SMCO4: variants seen among roughly 807,000 people sequenced by gnomAD.
SMCO4 encodes the protein single-pass membrane protein with coiled-coil domains 4, also known as single-pass membrane and coiled-coil domain-containing protein 4.
SMCO4 carries 4 observed loss-of-function variants against 3.6 expected under a neutral mutation model. That is an observed-to-expected ratio of 1.11 (90% CI 0.54 to 2.53). The LOEUF is 2.53. Among genes scored for constraint, SMCO4 ranks in the 30% most tolerant of loss-of-function variants. The pLI is 0.02. For synonymous variants in SMCO4, 36 were observed against 35.3 expected, an observed-to-expected ratio of 1.02 and a Z score of -0.07; for missense variants, 70 against 80.8, an observed-to-expected ratio of 0.87 and a Z score of 0.51.
At chr11:93,514,298 C>A (rs758284554) in intron 1 of SMCO4, among the ~76,000 whole-genome samples, 11 of 146,706 alleles carry the variant, frequency 7.5e-5, no homozygotes, top group Non-Finnish European at 1.3e-4. Context: ...CATGGGTCAT[C>A]AATATAATGA....
chr11:93,479,625 G>C (rs2134562937), intron 2 of SMCO4, among the ~76,000 whole-genome samples: 1 of 152,272 alleles, frequency 6.6e-6, no homozygotes, highest in Middle Eastern at 3.4e-3. Context: ...CTAGCTACTT[G>C]CTTTCCTGCT....
the SMCO4 span, among the ~76,000 whole-genome samples, chr11:93,551,617 T>C: frequency 6.6e-6 from 1 of 152,230 alleles, no homozygotes; most frequent in East Asian, 1.9e-4. Flanking sequence ...ATTTTGCTAG[T>C]TCCTGTGCAT....
chr11:93,478,682 C>A lies in SMCO4; in HGVS notation c.*328G>T. The A allele has an allele frequency of 3.5e-6, 1 of 285,518 alleles. No individual in the cohort carries two copies. The highest frequency in any genetic ancestry group is 5.7e-6 in the Non-Finnish European group (1 of 175,886). The allele number at this position is 285,518 out of a possible 1,614,324, so 17.7% of individuals were successfully genotyped here. A position where few individuals can be genotyped will look rare whatever the true frequency, so the allele number is the denominator to read the frequency against. On this transcript the variant is annotated 3_prime_UTR_variant, in exon 3 of 3. Transcript: ENST00000298966. The stretch of plus-strand genomic sequence containing the variant: ...AGGTTCCATCCCTCTTCAGGTGGAG[C>A]TACTTATCGATTTTTAGGAGAGAAA...
intron 2 of SMCO4, among the ~76,000 whole-genome samples, chr11:93,493,238 G>C (rs1261795118): frequency 6.6e-6 from 1 of 152,118 alleles, no homozygotes; most frequent in Admixed American, 6.5e-5. Context: ...GAAGCCTCCA[G>C]GTCAGCAAGA....
intron 1 of SMCO4, among the ~76,000 whole-genome samples, chr11:93,504,229 A>C (rs1464310598): frequency 1.3e-5 from 2 of 152,220 alleles, no homozygotes. Flanking sequence ...GAATTTCCCT[A>C]ATTCAATCTC....
intron 1 of SMCO4, among the ~76,000 whole-genome samples, chr11:93,509,139 A>G (rs1221703034): frequency 6.6e-6 from 1 of 152,016 alleles, no homozygotes; most frequent in East Asian, 1.9e-4. Context: ...AAAAAAAAAA[A>G]AGTTAGCTGG....
intron 1 of SMCO4, among the ~76,000 whole-genome samples, chr11:93,515,648 C>T (rs1327022406): frequency 3.3e-5 from 5 of 152,170 alleles, no homozygotes; most frequent in Non-Finnish European, 7.4e-5. Context: ...TCCTCCTACT[C>T]CAAGCCAGCT....
chr11:93,525,636 G>A lies in SMCO4; in HGVS notation c.-154+17640C>T, dbSNP rs555187631. On this transcript the variant is annotated intron_variant, in intron 1 of 2. Transcript: ENST00000298966. The stretch of plus-strand genomic sequence containing the variant: ...TTCCCACTTTATAAATACACCCTAC[G>A]ACCAACCAGAGAGTGCTTGCTGCCA... 5.3e-5 allele frequency among the ~76,000 whole-genome samples: 8 copies of A among 152,140 alleles called. No individual in the cohort carries two copies. The East Asian group carries it at 7.7e-4, about 15-fold the overall frequency.
At chr11:93,548,059 T>G (rs889982538), upstream of SMCO4, among the ~76,000 whole-genome samples, 5 of 152,356 alleles carry the variant, frequency 3.3e-5, no homozygotes, top group East Asian at 5.8e-4. Context: ...AGGTCAGGAA[T>G]GTATGTTCAT....
the SMCO4 span, among the ~76,000 whole-genome samples, chr11:93,549,044 C>T: frequency 8.0e-3 from 1,214 of 152,214 alleles, 18 homozygotes; most frequent in African/African-American, 0.028. Flanking sequence ...GGGGTTTTTC[C>T]GTTTGATTTG....
chr11:93,542,002 A>T (rs1949274645), intron 1 of SMCO4, among the ~76,000 whole-genome samples: 1 of 152,162 alleles, frequency 6.6e-6, no homozygotes, highest in South Asian at 2.1e-4. Context: ...TTGCTAACAC[A>T]TCTAGGACGA....
chr11:93,513,732 T>C (rs111451769), intron 1 of SMCO4, among the ~76,000 whole-genome samples: 4 of 152,330 alleles, frequency 2.6e-5, no homozygotes, highest in East Asian at 1.9e-4. Context: ...TCTTCACTTA[T>C]ACACTTTCCC....
At chr11:93,526,292 A>G (rs1316852496) in intron 1 of SMCO4, among the ~76,000 whole-genome samples, 2 of 108,200 alleles carry the variant, frequency 1.8e-5, no homozygotes, top group Non-Finnish European at 4.1e-5. Flanking sequence ...AAACAGACAA[A>G]TATTTGCTAA....
intron 2 of SMCO4, among the ~76,000 whole-genome samples, chr11:93,497,632 A>AG (rs1948789682): frequency 2.0e-5 from 3 of 151,632 alleles, no homozygotes; most frequent in African/African-American, 4.8e-5. Context: ...TGGCTTCCAA[A>AG]GGGGGGTACC....
intron 1 of SMCO4, among the ~76,000 whole-genome samples, chr11:93,514,374 C>A (rs1948985282): frequency 7.7e-5 from 3 of 39,080 alleles, no homozygotes; most frequent in Admixed American, 3.0e-4. Flanking sequence ...CAGGATGAGG[C>A]TATATATATA....
At chr11:93,534,295 CAT>C (rs201601293) in intron 1 of SMCO4, among the ~76,000 whole-genome samples, 4,664 of 145,786 alleles carry the variant, frequency 0.032, 141 homozygotes, top group African/African-American at 0.064. Flanking sequence ...TACACACACA[CAT>C]ATATATACAT....
chr11:93,532,111 G>A (rs1196034167), intron 1 of SMCO4, among the ~76,000 whole-genome samples: 1 of 152,134 alleles, frequency 6.6e-6, no homozygotes, highest in African/African-American at 2.4e-5. Context: ...GCATGTCACA[G>A]GCGCATGTCA....
chr11:93,511,216 A>G (rs1049639057), intron 1 of SMCO4, among the ~76,000 whole-genome samples: 7 of 152,182 alleles, frequency 4.6e-5, no homozygotes, highest in African/African-American at 1.7e-4. Flanking sequence ...AGAAAGGACT[A>G]TTTTGACAGG....
intron 1 of SMCO4, among the ~76,000 whole-genome samples, chr11:93,516,656 G>A (rs959432356): frequency 6.6e-6 from 1 of 152,062 alleles, no homozygotes; most frequent in Non-Finnish European, 1.5e-5. Context: ...CAGCTGTGGT[G>A]GTGCGTGCCT....
Sources: allele counts gnomAD v4.1 joint callset (sites outside exome capture counted in the v4.1 genomes callset), GRCh38; gene constraint gnomAD v4.1.1; transcripts MANE v1.5; gene names NCBI Gene and HGNC (gene_info 2026-07-23, HGNC 2026-07-21).